Variants in ZBTB20 observed in about 807,000 individuals in gnomAD.
ZBTB20 encodes zinc finger and BTB domain containing 20.
Under a neutral mutation model 56.9 loss-of-function variants are expected in ZBTB20, and 9 were observed. That is an observed-to-expected ratio of 0.16 (90% confidence interval 0.10 to 0.28). The LOEUF (loss-of-function observed/expected upper bound fraction) is 0.28. Ranked by LOEUF, ZBTB20 falls within the 10% of genes least tolerant of loss-of-function variation. The pLI, the probability that ZBTB20 is intolerant of heterozygous loss-of-function variation, is 1.00. For synonymous variants in ZBTB20, 417 were observed against 420.7 expected (o/e 0.99, Z 0.11); for missense variants, 655 against 1,003.0 (o/e 0.65, Z 4.69).
chr3:114,935,781 A>G (rs906134545), intron 3 of ZBTB20, among the ~76,000 whole-genome samples: 1 of 152,194 alleles, frequency 6.6e-6, no homozygotes, highest in Admixed American at 6.5e-5. Context: ...CTTACCCCCA[A>G]GGCCTCATGG....
rs190509286 is a variant in ZBTB20 at position 115,060,961 on chromosome 3, T to A, written c.-507+10258A>T. ...GTAGGTTAGAGAATTCACCTTTATT[T>A]CATCTTTAATATTTTATATGTTTGC... On this transcript the variant is annotated intron_variant, in intron 2 of 11. Transcript: ENST00000675478. 4.4e-3 allele frequency among the ~76,000 whole-genome samples: 671 copies of A among 152,216 alleles called. 4 individuals are homozygous for A. Among genetic ancestry groups the A allele is most frequent in the African/African-American group, 0.015 (641 of 41,562 alleles).
chr3:114,965,184 G>A (rs1279482410), intron 3 of ZBTB20, among the ~76,000 whole-genome samples: 1 of 152,040 alleles, frequency 6.6e-6, no homozygotes, highest in Non-Finnish European at 1.5e-5. Flanking sequence ...TTCTCCCTTA[G>A]TTAATATATC....
intron 6 of ZBTB20, among the ~76,000 whole-genome samples, chr3:114,682,986 A>G (rs77565042): frequency 0.011 from 1,665 of 152,330 alleles, 13 homozygotes; most frequent in Middle Eastern, 0.054. Context: ...GTAGTTGTCA[A>G]TAGTTTATTC....
chr3:114,517,136 A>C (rs1279538959), intron 6 of ZBTB20, among the ~76,000 whole-genome samples: 2 of 152,210 alleles, frequency 1.3e-5, no homozygotes, highest in Non-Finnish European at 2.9e-5. Context: ...CTAATAAGTA[A>C]TCAATCTATC....
rs1034410632 is a variant in ZBTB20, at chr3:115,030,648, G to T, written c.-507+40571C>A. Among the ~76,000 whole-genome samples, 57 of 151,074 alleles carry T rather than the reference G, an allele frequency of 3.8e-4. 1 individual carries two copies. The highest frequency in any genetic ancestry group is 1.4e-3 in the African/African-American group (57 of 41,338). Reference sequence around the variant, plus strand: ...TATAAGAAGTCTGAAAGAAAAAAAAGACTTAACGTCATGAGAGATGATTCT... The same window carrying T: ...TATAAGAAGTCTGAAAGAAAAAAAATACTTAACGTCATGAGAGATGATTCT... On this transcript the variant is annotated intron_variant, in intron 2 of 11. Transcript: ENST00000675478.
intron 6 of ZBTB20, among the ~76,000 whole-genome samples, chr3:114,603,841 G>A (rs1261128178): frequency 6.6e-6 from 1 of 150,738 alleles, no homozygotes; most frequent in East Asian, 1.9e-4. Context: ...AAACTATACC[G>A]AGATACCGTC....
At chr3:114,972,905 A>C (rs557702378) in intron 3 of ZBTB20, among the ~76,000 whole-genome samples, 1 of 152,158 alleles carries the variant, frequency 6.6e-6, no homozygotes, top group South Asian at 2.1e-4. Context: ...CTTGATTCTT[A>C]GTATGGTAAC....
At chr3:114,654,367 T>C (rs2108021846) in intron 6 of ZBTB20, among the ~76,000 whole-genome samples, 1 of 152,126 alleles carries the variant, frequency 6.6e-6, no homozygotes, top group Admixed American at 6.5e-5. Context: ...TAAAATTTCA[T>C]GACTTTCAAC....
chr3:114,634,293 A>G (rs1290894), intron 6 of ZBTB20, among the ~76,000 whole-genome samples: 28,947 of 152,092 alleles, frequency 0.19, 4,315 homozygotes, highest in African/African-American at 0.41. Context: ...CTGTCAAAAT[A>G]AGAAGCACTA....
At chr3:114,597,043 AAT>A (rs1228820520) in intron 6 of ZBTB20, among the ~76,000 whole-genome samples, 3 of 148,290 alleles carry the variant, frequency 2.0e-5, no homozygotes, top group Non-Finnish European at 3.0e-5. Context: ...AAATTAAAAA[AAT>A]ATATATATAT....
At chr3:114,578,766 C>T (rs563269796) in intron 6 of ZBTB20, among the ~76,000 whole-genome samples, 1 of 151,216 alleles carries the variant, frequency 6.6e-6, no homozygotes, top group Non-Finnish European at 1.5e-5. Flanking sequence ...ATATGTATTA[C>T]CCAAGGTCCT....
At chr3:114,978,668 G>GTA in intron 2 of ZBTB20, among the ~76,000 whole-genome samples, 1 of 67,964 alleles carries the variant, frequency 1.5e-5, no homozygotes. Flanking sequence ...TATGTACCAG[G>GTA]TGTGTGTGTG....
intron 4 of ZBTB20, among the ~76,000 whole-genome samples, chr3:114,879,870 C>T (rs778694778): frequency 8.5e-5 from 13 of 152,152 alleles, no homozygotes; most frequent in Non-Finnish European, 1.6e-4. Context: ...CATGTTACCA[C>T]GGTGACAAAG....
At chr3:115,058,276 A>T (rs571958669) in intron 2 of ZBTB20, among the ~76,000 whole-genome samples, 3 of 152,224 alleles carry the variant, frequency 2.0e-5, no homozygotes, top group Admixed American at 2.0e-4. Flanking sequence ...TCCTGTACAT[A>T]ATGCCTCCAT....
rs114539382 is a variant in ZBTB20 at position 114,739,234 on chromosome 3, G to A, written c.-342-45659C>T. Among the ~76,000 whole-genome samples the A allele has an allele frequency of 4.9e-3, 740 of 152,282 alleles. 9 individuals carry two copies. Among genetic ancestry groups the A allele is most frequent in the African/African-American group, 0.017 (707 of 41,552 alleles). On this transcript the variant is annotated intron_variant, in intron 5 of 11. Transcript: ENST00000675478. The stretch of plus-strand genomic sequence containing the variant: ...TATGGCCCTAGAATCTGAATTTTAA[G>A]CCAGTTCCTGAGGTGCAATTCAGTT...
intron 5 of ZBTB20, among the ~76,000 whole-genome samples, chr3:114,760,850 C>T (rs1369160296): frequency 6.6e-6 from 1 of 152,008 alleles, no homozygotes; most frequent in African/African-American, 2.4e-5. Context: ...TTTCACTGTA[C>T]CATAAGATAA....
At position 114,559,239 on chromosome 3, in the gene ZBTB20, C is replaced by T. The variant is rs150044928; in HGVS notation, c.-294-58848G>A. Among the ~76,000 whole-genome samples the T allele has an allele frequency of 5.6e-3, 850 of 152,256 alleles. 6 individuals are homozygous for T. The highest frequency in any genetic ancestry group is 0.011 in the South Asian group (51 of 4,824). On this transcript the variant is annotated intron_variant, in intron 6 of 11. Transcript: ENST00000675478. ...AGTAAACAAGGCCAATATCAATGCT[C>T]TTTATTACAGTAGTTATTTAAATGT...
intron 10 of ZBTB20, chr3:114,379,141 T>C (rs2084015597): frequency 6.6e-6 from 1 of 152,230 alleles, no homozygotes. Flanking sequence ...TTACATTTGT[T>C]CTGTCAGAAA....
At chr3:114,478,827 G>A (rs2041175992) in intron 7 of ZBTB20, among the ~76,000 whole-genome samples, 1 of 152,104 alleles carries the variant, frequency 6.6e-6, no homozygotes, top group Non-Finnish European at 1.5e-5. Context: ...TTAAAAAATA[G>A]ATACCAAATT....
Sources: allele counts gnomAD v4.1 joint callset (sites outside exome capture counted in the v4.1 genomes callset), GRCh38; gene constraint gnomAD v4.1.1; transcripts MANE v1.5; gene names NCBI Gene and HGNC (gene_info 2026-07-23, HGNC 2026-07-21).